DDX60L: variants seen among roughly 807,000 people sequenced by gnomAD.
DDX60L encodes the protein DExD/H-box 60 like.
DDX60L carries 191 observed loss-of-function variants against 211.6 expected under a neutral mutation model. The ratio of observed to expected loss-of-function variants is 0.90; its 90% CI spans 0.80 to 1.02. DDX60L has a LOEUF of 1.02. Among genes scored for constraint, DDX60L ranks in the 50% least tolerant of loss-of-function variants. DDX60L has a pLI of 0.00. For missense variants in DDX60L, 2,007 were observed against 1,984.1 expected (o/e 1.01, Z -0.22); for synonymous variants, 706 against 694.1 (o/e 1.02, Z -0.27).
chr4:168,437,148 TCA>T (rs1753152289), intron 10 of DDX60L, among the ~76,000 whole-genome samples: 1 of 152,216 alleles, frequency 6.6e-6, no homozygotes, highest in Non-Finnish European at 1.5e-5. Context: ...ACTGTGTTCT[TCA>T]AAGAGACATG....
chr4:168,431,446 G>C (rs1387047153), intron 12 of DDX60L, among the ~76,000 whole-genome samples: 1 of 151,300 alleles, frequency 6.6e-6, no homozygotes, highest in East Asian at 1.9e-4. Flanking sequence ...TATGCAATTG[G>C]CATACTTACT....
rs73863613 is a variant in DDX60L, at chr4:168,455,100, T to A, written c.837+939A>T. Among the ~76,000 whole-genome samples, 1,013 of 152,226 alleles carry A rather than the reference T, an allele frequency of 6.7e-3. 14 individuals are homozygous for A. Among genetic ancestry groups the A allele is most frequent in the African/African-American group, 0.02 (842 of 41,530 alleles). On this transcript the variant is annotated intron_variant, in intron 7 of 37. Coordinates refer to ENST00000682922, the MANE Select transcript of DDX60L (RefSeq NM_001012967.3). ...TATTTTATGAAAACATGCTGATAGA[T>A]TTAAGAAATGGACAATTTTCTCCTA...
chr4:168,376,664 C>T (rs1741992738), intron 33 of DDX60L, among the ~76,000 whole-genome samples: 2 of 152,204 alleles, frequency 1.3e-5, no homozygotes, highest in African/African-American at 4.8e-5. Context: ...GGTCTCTTTA[C>T]TGCTATGCCT....
At chr4:168,373,547 G>T in intron 35 of DDX60L, 119 bp downstream of exon 35, 1 of 994,848 alleles carries the variant, frequency 1.0e-6, no homozygotes, top group Non-Finnish European at 1.5e-6. Context: ...AGACAATGAT[G>T]CTCATCAGTG....
intron 4 of DDX60L, among the ~76,000 whole-genome samples, chr4:168,464,443 A>AT (rs34052527): frequency 0.042 from 5,883 of 138,882 alleles, 229 homozygotes; most frequent in African/African-American, 0.086. Flanking sequence ...TTATAATTGT[A>AT]TTTTTTTTTT....
Position 168,432,537 on chromosome 4 carries a change from T to C in DDX60L, c.1434A>G (p.Gln478=). ...DDPVVPSLFK[Q]KTSDELLHWH... is the part of the protein sequence containing the mutation. ...AGTGCAAAAGTTCATCAGATGTCTTTTGTTTAAACAGTGAAGGAACAACCG... is the reference window on the plus strand; with the variant it reads ...AGTGCAAAAGTTCATCAGATGTCTTCTGTTTAAACAGTGAAGGAACAACCG... The change falls in exon 12 of 38, where the codon CAA becomes CAG. Residue 478 remains glutamine (Q), a synonymous_variant. Coordinates refer to ENST00000682922, the MANE Select transcript of DDX60L (RefSeq NM_001012967.3). The C allele has an allele frequency of 1.9e-6, 3 of 1,586,442 alleles. No individual in the cohort carries two copies. Among genetic ancestry groups the C allele is most frequent in the Non-Finnish European group, 2.6e-6 (3 of 1,163,956 alleles).
At chr4:168,445,377 G>T (rs1301516037) in intron 9 of DDX60L, among the ~76,000 whole-genome samples, 6 of 148,284 alleles carry the variant, frequency 4.0e-5, no homozygotes, top group Admixed American at 6.9e-5. Context: ...TGAAATTGTG[G>T]CAATAATCAA....
rs1023760470 is a variant in DDX60L, at chr4:168,394,575, C to T, written c.3700G>A (p.Gly1234Ser). 7 of 1,613,124 alleles carry T rather than the reference C, an allele frequency of 4.3e-6. No homozygotes were observed. The highest frequency in any genetic ancestry group is 2.2e-5 in the South Asian group (2 of 90,956). ...TGTGCTAAAGCCTTCAGTTCTTTGC[C>T]GTGTCTTGTAAATCGCACTCGCGGT... ...VLPRVRFTRH[G>S]KELKALAQRG... Residue 1234 changes from glycine to serine, a missense_variant, in exon 28 of 38, where the codon GGC becomes AGC. Physicochemically the swap from Gly to Ser is moderately conservative, Grantham distance 56 (BLOSUM62 0). Transcript: ENST00000682922.
At chr4:168,421,670 G>T in intron 17 of DDX60L, 90 bp downstream of exon 17, 1 of 1,504,292 alleles carries the variant, frequency 6.6e-7, no homozygotes, top group Non-Finnish European at 9.0e-7. Context: ...TAAAATAACA[G>T]TGAATTAGAT....
Position 168,375,368 on chromosome 4 carries a change from T to C in DDX60L, c.4633+9A>G, listed in dbSNP as rs1181031939. The C allele has an allele frequency of 1.2e-6, 2 of 1,610,140 alleles. No individual in the cohort carries two copies. Among genetic ancestry groups the C allele is most frequent in the South Asian group, 1.1e-5 (1 of 90,514 alleles). On this transcript the variant is annotated intron_variant, in intron 34 of 37. Transcript: ENST00000682922. ...AAATTGTTCCGGAATGGAACTAAAA[T>C]CTGCTTACTGATTCTTGACAAAGGG...
chr4:168,466,142 T>C (rs1422082114), intron 4 of DDX60L, among the ~76,000 whole-genome samples: 2 of 151,996 alleles, frequency 1.3e-5, no homozygotes, highest in Non-Finnish European at 2.9e-5. Flanking sequence ...AATTTCAATT[T>C]ATGAAGTTAG....
chr4:168,467,283 C>CCTGTAGTGG (rs1461735326), intron 4 of DDX60L, among the ~76,000 whole-genome samples: 1 of 151,936 alleles, frequency 6.6e-6, no homozygotes, highest in Non-Finnish European at 1.5e-5. Flanking sequence ...CTGCCACACG[C>CCTGTAGTGG]CTGTAGTCCC....
At chr4:168,404,703 T>C (rs1281805715) in intron 24 of DDX60L, among the ~76,000 whole-genome samples, 1 of 152,206 alleles carries the variant, frequency 6.6e-6, no homozygotes, top group Admixed American at 6.5e-5. Flanking sequence ...TACTATTCCA[T>C]ATTTGATAAT....
At chr4:168,475,647 T>G (rs553954749) in intron 1 of DDX60L, among the ~76,000 whole-genome samples, 10 of 120,882 alleles carry the variant, frequency 8.3e-5, no homozygotes, top group Non-Finnish European at 2.0e-4. Flanking sequence ...TTATTATCAT[T>G]TATAAAAAAA....
chr4:168,462,942 C>T lies in DDX60L; in HGVS notation c.265-902G>A, dbSNP rs139788736. 1.0e-3 allele frequency among the ~76,000 whole-genome samples: 157 copies of T among 152,088 alleles called. 2 individuals are homozygous for T. In the East Asian group the frequency reaches 0.027, roughly 26 times the overall value. ...ATACCATCTCACGCCAGTCAGATGG[C>T]TATTATTAAAAATAATAAAAAATGA... On this transcript the variant is annotated intron_variant, in intron 4 of 37. Transcript: ENST00000682922.
chr4:168,423,749 T>C lies in DDX60L; in HGVS notation c.1956A>G (p.Ile652Met), dbSNP rs1751023202. 1 of 1,584,122 alleles carries C rather than the reference T, an allele frequency of 6.3e-7. No homozygotes were observed. Among genetic ancestry groups the C allele is most frequent in the Non-Finnish European group, 8.5e-7 (1 of 1,171,734 alleles). Residue 652 changes from isoleucine (I) to methionine (M), a missense_variant, in exon 15 of 38, where the codon ATA becomes ATG. Transcript: ENST00000682922. ...GEGKISKDLSIAVQMMKRIHS... is the reference protein window; with the variant it reads ...GEGKISKDLSMAVQMMKRIHS... ...GAATCCTTTTCATCATTTGAACAGC[T>C]ATACTTAAATCTTTCGAAATTTTGC...
chr4:168,387,461 T>A (rs1235334859), intron 29 of DDX60L, among the ~76,000 whole-genome samples: 1 of 152,258 alleles, frequency 6.6e-6, no homozygotes, highest in Non-Finnish European at 1.5e-5. Context: ...GAACTTTCCC[T>A]ATTTAGGCCA....
intron 35 of DDX60L, among the ~76,000 whole-genome samples, chr4:168,372,708 G>C (rs9799750): frequency 0.99 from 150,348 of 151,162 alleles, 74,772 homozygotes; most frequent in Middle Eastern, 1. Context: ...GCCTGGGCAA[G>C]AGAGTGAGAC....
chr4:168,387,977 T>G (rs904473571), intron 29 of DDX60L, among the ~76,000 whole-genome samples: 1 of 152,164 alleles, frequency 6.6e-6, no homozygotes, highest in African/African-American at 2.4e-5. Flanking sequence ...TGTCCACAGA[T>G]TTTCCATTAT....
Sources: allele counts gnomAD v4.1 joint callset (sites outside exome capture counted in the v4.1 genomes callset), GRCh38; gene constraint gnomAD v4.1.1; transcripts MANE v1.5; gene names NCBI Gene and HGNC (gene_info 2026-07-23, HGNC 2026-07-21).